The following PANK4 variants were observed in gnomAD, a reference collection of about 807,000 sequenced individuals.
The protein encoded by PANK4 is pantothenate kinase 4 (inactive), also known as 4'-phosphopantetheine phosphatase.
Under a neutral mutation model 87.9 loss-of-function variants are expected in PANK4, and 40 were observed. That is an observed-to-expected ratio of 0.46 (90% confidence interval 0.35 to 0.59). The LOEUF is 0.59. Ranked by LOEUF, PANK4 falls within the 20% of genes least tolerant of loss-of-function variation. PANK4 has a pLI of 0.00. For missense variants in PANK4, 926 were observed against 1,072.3 expected, an observed-to-expected ratio of 0.86 and a Z score of 1.90; for synonymous variants, 524 against 467.4, an observed-to-expected ratio of 1.12 and a Z score of -1.56.
chr1:2,514,409 C>T lies in PANK4; in HGVS notation c.1432G>A (p.Glu478Lys). 1 of 1,612,400 alleles carries T rather than the reference C, an allele frequency of 6.2e-7. No homozygotes were observed. The highest frequency in any genetic ancestry group is 8.5e-7 in the Non-Finnish European group (1 of 1,179,904). Reference sequence around the variant, plus strand: ...TTCCAGTACTTCTGCCGGAACTTCTCCGCCCTCTCGGCTGCATCCACAGAG... The same window carrying T: ...TTCCAGTACTTCTGCCGGAACTTCTTCGCCCTCTCGGCTGCATCCACAGAG... ...PDSVDAAERAEKFRQKYWNKL... is the reference protein window; with the variant it reads ...PDSVDAAERAKKFRQKYWNKL... Residue 478 changes from glutamate (E) to lysine (K), a missense_variant, in exon 11 of 19, where the codon GAG (glutamate) becomes AAG (lysine). Transcript: ENST00000378466.
intron 13 of PANK4, among the ~76,000 whole-genome samples, 200 bp from the exon 14 acceptor site, chr1:2,511,883 A>G (rs1450482132): frequency 6.6e-6 from 1 of 151,942 alleles, no homozygotes; most frequent in Non-Finnish European, 1.5e-5. Flanking sequence ...GGACAGAGGC[A>G]GCTGCTAAGA....
intron 1 of PANK4, among the ~76,000 whole-genome samples, chr1:2,523,233 CCTCCTGCCTGGTGGTGAGGGCAGG>C (rs1643892898): frequency 6.6e-6 from 1 of 152,200 alleles, no homozygotes; most frequent in South Asian, 2.1e-4. Flanking sequence ...TCCCAGGGCA[CCTCCTGCCTGGTGGTGAGGGCAGG>C]CTCCCCGACG....
chr1:2,512,726 G>A lies in PANK4; in HGVS notation c.1727+162C>T, dbSNP rs756778941. ...CGCTGCGCCCTGCCCAGCCCCTGGC[G>A]CTGCTGCCATGTGCACTCCCTGGGC... On this transcript the variant is annotated intron_variant, in intron 13 of 18. Coordinates refer to ENST00000378466, the MANE Select transcript of PANK4 (RefSeq NM_018216.4). The A allele has an allele frequency of 4.4e-4, 307 of 692,044 alleles. 2 individuals are homozygous for A. The highest frequency in any genetic ancestry group is 8.4e-4 in the Middle Eastern group (2 of 2,386). The allele number at this position is 692,044 out of a possible 1,614,324, so 42.9% of individuals were successfully genotyped here.
At chr1:2,518,416 C>T in intron 8 of PANK4, 100 bp downstream of exon 8, 2 of 1,094,376 alleles carry the variant, frequency 1.8e-6, no homozygotes, top group South Asian at 1.3e-5. Context: ...GACTCACGCT[C>T]CCCACCCCAC....
chr1:2,522,251 T>A (rs1413974715), intron 1 of PANK4, among the ~76,000 whole-genome samples: 1 of 152,222 alleles, frequency 6.6e-6, no homozygotes, highest in Non-Finnish European at 1.5e-5. Context: ...GAGGCTCTCC[T>A]CACAGCCCAG....
At position 2,520,589 on chromosome 1, in the gene PANK4, G is replaced by T; in HGVS notation, c.606+134C>A. The stretch of plus-strand genomic sequence containing the variant: ...GATGCCCCTCCCACAGAGGCTCTGA[G>T]CTCACAGCCTCGCCACCCCCCTCCC... On this transcript the variant is annotated intron_variant, in intron 4 of 18. Coordinates refer to ENST00000378466, the MANE Select transcript of PANK4 (RefSeq NM_018216.4). This position sits in a 1 kb window ranked among gnomAD's most constrained non-coding sequence, Gnocchi z 6.2. 9.5e-7 allele frequency: 1 copy of T among 1,055,214 alleles called. No individual in the cohort carries two copies. Among genetic ancestry groups the T allele is most frequent in the Non-Finnish European group, 1.4e-6 (1 of 705,416 alleles). The allele number at this position is 1,055,214 out of a possible 1,614,324, so 65.4% of individuals were successfully genotyped here.
At chr1:2,517,957 A>C (rs183630554) in intron 9 of PANK4, among the ~76,000 whole-genome samples, 1 of 152,338 alleles carries the variant, frequency 6.6e-6, no homozygotes, top group East Asian at 1.9e-4. Flanking sequence ...CCAAAATACG[A>C]AAGCACCCAA....
intron 1 of PANK4, among the ~76,000 whole-genome samples, chr1:2,522,651 T>C (rs941657271): frequency 1.3e-5 from 2 of 148,878 alleles, no homozygotes; most frequent in Admixed American, 6.8e-5. Context: ...GAATGACAAA[T>C]AGAAAAAGAA....
intron 10 of PANK4, 82 bp from the exon 11 acceptor site, chr1:2,514,548 G>T (rs2100777008): frequency 1.7e-5 from 10 of 598,016 alleles, no homozygotes; most frequent in East Asian, 5.1e-5. Context: ...GGGGCTCGGG[G>T]AAGGGTGGGG....
Position 2,508,612 on chromosome 1 carries a change from T to TTATA in PANK4, c.*231_*234dup, listed in dbSNP as rs3831090. 14,922 of 230,570 alleles carry TTATA rather than the reference T, an allele frequency of 0.065. 2,047 individuals are homozygous for TTATA. The highest frequency in any genetic ancestry group is 0.3 in the African/African-American group (12,736 of 41,932). The allele number at this position is 230,570 out of a possible 1,614,324, so 14.3% of individuals were successfully genotyped here. On this transcript the variant is annotated 3_prime_UTR_variant, in exon 19 of 19. Transcript: ENST00000378466. The surrounding 1 kb of genome is among the most constrained non-coding windows in gnomAD (Gnocchi z 5.1). The stretch of plus-strand genomic sequence containing the variant: ...GACATACCTGTATAGATCTCTCTAT[T>TTATA]TATATATATATATATATAAAAGGTT...
intron 15 of PANK4, 104 bp downstream of exon 15, chr1:2,511,234 G>A (rs1413452968): frequency 1.3e-5 from 10 of 768,836 alleles, no homozygotes; most frequent in Middle Eastern, 2.7e-4. Flanking sequence ...TCTAACAGGA[G>A]GGGAGGGCCA....
intron 9 of PANK4, among the ~76,000 whole-genome samples, chr1:2,517,839 C>A (rs568125159): frequency 2.0e-5 from 3 of 152,244 alleles, no homozygotes; most frequent in East Asian, 1.9e-4. Context: ...CCAAAGTGGA[C>A]GGGCCTTCTG....
intron 9 of PANK4, among the ~76,000 whole-genome samples, chr1:2,516,376 C>G (rs146159587): frequency 6.6e-6 from 1 of 152,226 alleles, no homozygotes; most frequent in African/African-American, 2.4e-5. Flanking sequence ...CCAGCACAGG[C>G]GCGCTCACGG....
Position 2,520,237 on chromosome 1 carries a change from T to G in PANK4, c.699+85A>C. 1 of 1,309,708 alleles carries G rather than the reference T, an allele frequency of 7.6e-7. No individual in the cohort carries two copies. Among genetic ancestry groups the G allele is most frequent in the Non-Finnish European group, 1.1e-6 (1 of 908,624 alleles). The allele number at this position is 1,309,708 out of a possible 1,614,324, so 81.1% of individuals were successfully genotyped here. On this transcript the variant is annotated intron_variant, in intron 5 of 18. Transcript: ENST00000378466. The surrounding 1 kb of genome is among the most constrained non-coding windows in gnomAD (Gnocchi z 6.2). Reference sequence around the variant, plus strand: ...CAGGAGGGAGGCCCGGAAGCAGCTTTTGCACCGCCCAGCTGCAGGCCTTCG... The same window carrying G: ...CAGGAGGGAGGCCCGGAAGCAGCTTGTGCACCGCCCAGCTGCAGGCCTTCG...
chr1:2,514,769 A>G (rs1200449936), intron 10 of PANK4, among the ~76,000 whole-genome samples: 1 of 151,976 alleles, frequency 6.6e-6, no homozygotes, highest in Non-Finnish European at 1.5e-5. Context: ...GGAACAGGAA[A>G]GGCTGACGGT....
Position 2,513,991 on chromosome 1 carries a change from A to G in PANK4, c.1575+11T>C. 1.9e-6 allele frequency: 3 copies of G among 1,595,388 alleles called. No homozygotes were observed. Among genetic ancestry groups the G allele is most frequent in the Admixed American group, 1.7e-5 (1 of 59,994 alleles). ...AAGAGCGAGCGGAAGGCCAGGGCAC[A>G]CTGCACTTACTTTGGAGTAGGGATC... On this transcript the variant is annotated intron_variant, in intron 12 of 18. Coordinates refer to ENST00000378466, the MANE Select transcript of PANK4 (RefSeq NM_018216.4).
intron 1 of PANK4, among the ~76,000 whole-genome samples, chr1:2,524,181 TC>T (rs1643900882): frequency 6.6e-6 from 1 of 152,052 alleles, no homozygotes; most frequent in South Asian, 2.1e-4. Context: ...AAATACAACG[TC>T]CCTGCTGCTT....
chr1:2,510,695 G>A lies in PANK4; in HGVS notation c.1921C>T (p.Leu641Phe), dbSNP rs760144616. ...ACACTCACCTCTGTCCCTCTAAGGA[G>A]TAGCTCCCTGACAAAGGGGAAGACT... ...LGVFPFVREL[L>F]LRGTEVILAC... The change falls in exon 16 of 19, where the codon CTC becomes TTC. Residue 641 changes from leucine to phenylalanine, a missense_variant. Leu to Phe is a conservative substitution (Grantham distance 22, BLOSUM62 0). Transcript: ENST00000378466. This position sits in a 1 kb window ranked among gnomAD's most constrained non-coding sequence, Gnocchi z 4.9. The A allele has an allele frequency of 1.3e-6, 2 of 1,596,640 alleles. No homozygotes were observed. Among genetic ancestry groups the A allele is most frequent in the Non-Finnish European group, 1.7e-6 (2 of 1,164,930 alleles).
intron 9 of PANK4, 34 bp downstream of exon 9, chr1:2,518,130 C>T (rs776565494): frequency 4.9e-6 from 7 of 1,424,532 alleles, no homozygotes; most frequent in African/African-American, 1.4e-5. Context: ...GGCTGCTCCC[C>T]TGGGGCCCGG....
Sources: gnomAD v4.1 joint callset for allele counts (sites outside exome capture counted in the v4.1 genomes callset) on GRCh38, gnomAD v4.1.1 for gene constraint, Gnocchi (gnomAD v3.1) non-coding constraint, MANE v1.5 for transcripts, NCBI Gene and HGNC (gene_info 2026-07-23, HGNC 2026-07-21) for gene names.